P2RY6: variants seen among roughly 807,000 people sequenced by gnomAD.
P2RY6 encodes the protein pyrimidinergic receptor P2Y6.
P2RY6 carries 19 observed loss-of-function variants against 16.3 expected under a neutral mutation model. That is an observed-to-expected ratio of 1.16 (90% CI 0.81 to 1.71). The LOEUF (loss-of-function observed/expected upper bound fraction) is 1.71, where lower values mean the gene tolerates loss of function less well. P2RY6 is among the 40% of genes most tolerant of loss of function. The pLI, the probability that P2RY6 is intolerant of heterozygous loss-of-function variation, is 0.00. For synonymous variants in P2RY6, 184 were observed against 201.5 expected, an observed-to-expected ratio of 0.91 and a Z score of 0.74; for missense variants, 389 against 455.5, an observed-to-expected ratio of 0.85 and a Z score of 1.33.
rs780764429 is a variant in P2RY6 at position 73,298,608 on chromosome 11, A to G, written c.*1103A>G. On this transcript the variant is annotated 3_prime_UTR_variant, in exon 3 of 3. Coordinates refer to ENST00000540124, the MANE Select transcript of P2RY6 (RefSeq NM_001277204.2). ...AGTAAGACCCTGTTTCTACAAAAAA[A>G]TATAAAAAATAGCCTGGTGTGGTGG... 6.3e-6 allele frequency: 1 copy of G among 159,394 alleles called. No homozygotes were observed. The highest frequency in any genetic ancestry group is 1.5e-5 in the Non-Finnish European group (1 of 68,090). 9.9% of individuals were successfully genotyped at this position (159,394 alleles called of 1,614,324 possible). A position where few individuals can be genotyped will look rare whatever the true frequency, so the allele number is the denominator to read the frequency against.
intron 1 of P2RY6, among the ~76,000 whole-genome samples, chr11:73,290,449 G>T (rs1204036778): frequency 6.6e-6 from 1 of 152,258 alleles, no homozygotes; most frequent in Non-Finnish European, 1.5e-5. Context: ...ACTTTGGGAG[G>T]CCAAAGAGGG....
At position 73,297,208 on chromosome 11, in the gene P2RY6, C is replaced by G. The variant is rs149089615; in HGVS notation, c.690C>G (p.Ala230=). Residue 230 remains alanine (A), a synonymous_variant, in exon 3 of 3, where the codon GCC becomes GCG. Transcript: ENST00000540124. ...CRQDGPAEPV[A]QERRGKAARM... The stretch of plus-strand genomic sequence containing the variant: ...AGGATGGCCCGGCAGAGCCTGTGGC[C>G]CAGGAGCGGCGTGGCAAGGCGGCCC... The G allele has an allele frequency of 4.8e-5, 77 of 1,603,410 alleles. No homozygotes were observed. Among genetic ancestry groups the G allele is most frequent in the Non-Finnish European group, 6.2e-5 (73 of 1,179,502 alleles).
intron 1 of P2RY6, among the ~76,000 whole-genome samples, chr11:73,274,201 C>T (rs993095509): frequency 6.6e-6 from 1 of 152,132 alleles, no homozygotes; most frequent in African/African-American, 2.4e-5. Context: ...AACCAACTAG[C>T]GGCAGTGCTA....
rs1187483180 is a variant in P2RY6 at position 73,297,241 on chromosome 11, C to T, written c.723C>T (p.Ala241=). Residue 241 remains alanine, a synonymous_variant, in exon 3 of 3, where the codon GCC becomes GCT. Coordinates refer to ENST00000540124, the MANE Select transcript of P2RY6 (RefSeq NM_001277204.2). ...QERRGKAARM[A]VVVAAAFAIS... is the part of the protein sequence containing the mutation. Reference sequence around the variant, plus strand: ...GGCGTGGCAAGGCGGCCCGCATGGCCGTGGTGGTGGCTGCTGCCTTTGCCA... The same window carrying T: ...GGCGTGGCAAGGCGGCCCGCATGGCTGTGGTGGTGGCTGCTGCCTTTGCCA... The T allele has an allele frequency of 1.1e-5, 17 of 1,604,462 alleles. No homozygotes were observed. Among genetic ancestry groups the T allele is most frequent in the Admixed American group, 5.0e-5 (3 of 60,006 alleles).
At chr11:73,266,843 C>T (rs936163840) in intron 1 of P2RY6, among the ~76,000 whole-genome samples, 2 of 151,314 alleles carry the variant, frequency 1.3e-5, no homozygotes, top group African/African-American at 4.9e-5. Context: ...ACTGCTGCCC[C>T]AGAGGCCCTG....
chr11:73,290,342 A>T (rs112276957), intron 1 of P2RY6, among the ~76,000 whole-genome samples: 1 of 145,818 alleles, frequency 6.9e-6, no homozygotes, highest in Non-Finnish European at 1.5e-5. Flanking sequence ...AAAGAAAGAA[A>T]GAAAGAAAGA....
intron 1 of P2RY6, among the ~76,000 whole-genome samples, chr11:73,289,051 G>A (rs1222366665): frequency 6.6e-6 from 1 of 152,214 alleles, no homozygotes; most frequent in Non-Finnish European, 1.5e-5. Flanking sequence ...TCCTGCCTTT[G>A]GCCAACAGGT....
chr11:73,286,574 T>A (rs1395031170), intron 1 of P2RY6, among the ~76,000 whole-genome samples: 14 of 137,416 alleles, frequency 1.0e-4, no homozygotes, highest in South Asian at 4.7e-4. Context: ...GACAAAGATT[T>A]AAAAAAAAAA....
At chr11:73,292,076 T>C (rs1278607682) in intron 1 of P2RY6, among the ~76,000 whole-genome samples, 2 of 152,252 alleles carry the variant, frequency 1.3e-5, no homozygotes, top group African/African-American at 2.4e-5. Context: ...CTAACAGCTC[T>C]GAGGCCAGTT....
Position 73,274,951 on chromosome 11 carries a change from G to A in P2RY6, c.-121+2485G>A, listed in dbSNP as rs1027948491. The stretch of plus-strand genomic sequence containing the variant: ...TCTGGCTCTCCCTCTGTGACTGTTG[G>A]CTTGTCCAGTTAGGGCCAATGCCCC... On this transcript the variant is annotated intron_variant, in intron 1 of 2. Coordinates refer to ENST00000540124, the MANE Select transcript of P2RY6 (RefSeq NM_001277204.2). 1.0e-4 allele frequency among the ~76,000 whole-genome samples: 16 copies of A among 152,384 alleles called. No homozygotes were observed. In the East Asian group the frequency reaches 3.1e-3, roughly 29 times the overall value.
At position 73,297,013 on chromosome 11, in the gene P2RY6, C is replaced by T. The variant is rs1591702684; in HGVS notation, c.495C>T (p.Phe165=). 7 of 1,600,812 alleles carry T rather than the reference C, an allele frequency of 4.4e-6. No individual in the cohort carries two copies. Among genetic ancestry groups the T allele is most frequent in the African/African-American group, 2.7e-5 (2 of 74,954 alleles). The change falls in exon 3 of 3, where the codon TTC becomes TTT. Residue 165 remains phenylalanine, a synonymous_variant. Coordinates refer to ENST00000540124, the MANE Select transcript of P2RY6 (RefSeq NM_001277204.2). ...VTTQCLPTAI[F]AATGIQRNRT... is the part of the protein sequence containing the mutation. ...CCCAGTGCCTGCCCACAGCCATCTT[C>T]GCTGCCACAGGCATCCAGCGTAACC...
upstream of P2RY6, chr11:73,271,919 A>G (rs542082317): frequency 1.2e-4 from 18 of 152,220 alleles, no homozygotes; most frequent in Non-Finnish European, 1.2e-4. Flanking sequence ...CCTTCCAGGC[A>G]CTGCTGAGAA....
In P2RY6 at chr11:73,297,411, C is replaced by T; in HGVS notation, c.893C>T (p.Pro298Leu). The T allele has an allele frequency of 6.2e-7, 1 of 1,612,532 alleles. No homozygotes were observed. ...GCCAGTGCCAACAGCGTGCTGGACC[C>T]CATCCTCTTCTACTTCACCCAGAAG... ...PFASANSVLD[P>L]ILFYFTQKKF... is the part of the protein sequence containing the mutation. The change falls in exon 3 of 3, where the codon CCC becomes CTC. Residue 298 changes from proline to leucine, a missense_variant. By Grantham distance (98) the Pro-to-Leu change is moderately conservative (BLOSUM62 -3). Coordinates refer to ENST00000540124, the MANE Select transcript of P2RY6 (RefSeq NM_001277204.2).
At chr11:73,282,088 ATC>A (rs199822769) in intron 1 of P2RY6, among the ~76,000 whole-genome samples, 1,570 of 152,246 alleles carry the variant, frequency 0.01, 34 homozygotes, top group African/African-American at 0.034. Context: ...GGTGTGGAAC[ATC>A]TGTCTTTCCA....
chr11:73,297,334 C>A lies in P2RY6; in HGVS notation c.816C>A (p.Pro272=). The A allele has an allele frequency of 6.2e-7, 1 of 1,612,162 alleles. No homozygotes were observed. The highest frequency in any genetic ancestry group is 8.5e-7 in the Non-Finnish European group (1 of 1,179,870). ...CAGTGCGCTCGACGCCGGGCGTCCC[C>A]TGCACTGTATTGGAGGCCTTTGCAG... is the stretch of plus-strand genomic sequence containing the variant. ...YLAVRSTPGV[P]CTVLEAFAAA... is the part of the protein sequence containing the mutation. Residue 272 remains proline, a synonymous_variant, in exon 3 of 3, where the codon CCC becomes CCA. Transcript: ENST00000540124.
intron 1 of P2RY6, among the ~76,000 whole-genome samples, chr11:73,290,363 GAA>G (rs1864188523): frequency 2.9e-5 from 3 of 103,790 alleles, no homozygotes; most frequent in African/African-American, 9.0e-5. Flanking sequence ...AAGAAAGAAA[GAA>G]GGAAAGAAAG....
intron 1 of P2RY6, among the ~76,000 whole-genome samples, chr11:73,295,431 T>A (rs538874702): frequency 6.6e-6 from 1 of 152,302 alleles, no homozygotes; most frequent in Non-Finnish European, 1.5e-5. Context: ...CTACATCCCA[T>A]GTCTGTGGGC....
At chr11:73,284,997 A>G (rs1863911830) in intron 1 of P2RY6, among the ~76,000 whole-genome samples, 1 of 152,210 alleles carries the variant, frequency 6.6e-6, no homozygotes, top group Non-Finnish European at 1.5e-5. Context: ...GTAGGGGTTT[A>G]TAATTTTAGC....
intron 1 of P2RY6, among the ~76,000 whole-genome samples, chr11:73,289,071 CATGCT>C (rs1864082653): frequency 6.6e-6 from 1 of 152,238 alleles, no homozygotes; most frequent in South Asian, 2.1e-4. Context: ...TCCCCTCATC[CATGCT>C]AGATATGAAG....
Sources: gnomAD v4.1 joint callset for allele counts (sites outside exome capture counted in the v4.1 genomes callset) on GRCh38, gnomAD v4.1.1 for gene constraint, MANE v1.5 for transcripts, NCBI Gene and HGNC (gene_info 2026-07-23, HGNC 2026-07-21) for gene names.